The following CSMD1 variants were observed in gnomAD, a reference collection of about 807,000 sequenced individuals.
The protein encoded by CSMD1 is CUB and sushi domain-containing protein 1.
A neutral mutation model predicts 417.5 loss-of-function variants in CSMD1; 213 were observed. The ratio of observed to expected loss-of-function variants is 0.51; its 90% confidence interval spans 0.46 to 0.57. The LOEUF (loss-of-function observed/expected upper bound fraction) is 0.57, where lower values mean the gene tolerates loss of function less well. Ranked by LOEUF, CSMD1 falls within the 20% of genes least tolerant of loss-of-function variation. The pLI is 0.00. For missense variants in CSMD1, 6,923 were observed against 4,529.7 expected, an observed-to-expected ratio of 1.53 and a Z score of -15.17; for synonymous variants, 2,862 against 1,736.8, an observed-to-expected ratio of 1.65 and a Z score of -16.11.
chr8:4,873,402 G>C (rs533665162), intron 1 of CSMD1, among the ~76,000 whole-genome samples: 4 of 152,238 alleles, frequency 2.6e-5, no homozygotes, highest in South Asian at 2.1e-4. Flanking sequence ...CGGACACTCA[G>C]CAGGAAATCA....
At chr8:3,912,896 A>G (rs1197530939) in intron 5 of CSMD1, among the ~76,000 whole-genome samples, 1 of 152,166 alleles carries the variant, frequency 6.6e-6, no homozygotes, top group Non-Finnish European at 1.5e-5. Flanking sequence ...AATGAAGATC[A>G]ATTAATCAGC....
At chr8:3,935,235 A>C (rs1316643614) in intron 5 of CSMD1, among the ~76,000 whole-genome samples, 2 of 152,200 alleles carry the variant, frequency 1.3e-5, no homozygotes, top group African/African-American at 4.8e-5. Context: ...ATCGTTCTTA[A>C]AATGTAGAAG....
chr8:3,052,880 C>G (rs537697526), intron 49 of CSMD1, among the ~76,000 whole-genome samples: 11 of 150,806 alleles, frequency 7.3e-5, no homozygotes, highest in African/African-American at 2.4e-4. Flanking sequence ...CTCTTGGGTT[C>G]AAGTGATCAA....
chr8:4,082,858 T>G (rs2554643), intron 3 of CSMD1, among the ~76,000 whole-genome samples: 2 of 148,348 alleles, frequency 1.3e-5, no homozygotes, highest in Non-Finnish European at 3.0e-5. Context: ...AGTGGGAACA[T>G]GCGGTGTTTG....
intron 1 of CSMD1, among the ~76,000 whole-genome samples, chr8:4,697,533 T>C (rs1047623076): frequency 2.0e-5 from 3 of 152,190 alleles, no homozygotes; most frequent in African/African-American, 4.8e-5. Flanking sequence ...TATTGTTTAC[T>C]CAATTGGGGA....
chr8:4,081,720 A>G (rs568291245), intron 3 of CSMD1, among the ~76,000 whole-genome samples: 1 of 152,210 alleles, frequency 6.6e-6, no homozygotes, highest in Non-Finnish European at 1.5e-5. Context: ...ATTTTCTCTG[A>G]CCAAATTAGG....
chr8:4,048,572 G>T (rs780709570), intron 3 of CSMD1, among the ~76,000 whole-genome samples: 1 of 152,200 alleles, frequency 6.6e-6, no homozygotes, highest in African/African-American at 2.4e-5. Context: ...TTGACCTGAG[G>T]TGGTGTGGCT....
intron 11 of CSMD1, among the ~76,000 whole-genome samples, chr8:3,488,811 G>T (rs557439719): frequency 2.0e-5 from 3 of 152,254 alleles, no homozygotes; most frequent in African/African-American, 7.2e-5. Context: ...AGGCTCAAAG[G>T]CAGTGCCATT....
At chr8:3,343,629 T>G (rs1807802026) in intron 22 of CSMD1, among the ~76,000 whole-genome samples, 179 bp from the exon 23 acceptor site, 1 of 152,248 alleles carries the variant, frequency 6.6e-6, no homozygotes, top group Admixed American at 6.5e-5. Context: ...CTTTAAATTT[T>G]ATCTTTACCA....
intron 5 of CSMD1, among the ~76,000 whole-genome samples, chr8:3,756,068 T>C (rs1797638040): frequency 6.6e-6 from 1 of 151,942 alleles, no homozygotes; most frequent in Non-Finnish European, 1.5e-5. Flanking sequence ...CTTTAAAAAA[T>C]CATTGTGGCC....
intron 3 of CSMD1, among the ~76,000 whole-genome samples, chr8:4,144,182 G>T (rs912080843): frequency 2.0e-5 from 3 of 150,882 alleles, no homozygotes; most frequent in Non-Finnish European, 2.9e-5. Context: ...GCACGAATTG[G>T]CCTTAGACCT....
chr8:4,517,491 C>A (rs891856433), intron 2 of CSMD1, among the ~76,000 whole-genome samples: 1 of 152,184 alleles, frequency 6.6e-6, no homozygotes, highest in Admixed American at 6.5e-5. Context: ...GTTCCTGGAA[C>A]AATAACTGTG....
At chr8:3,710,168 G>C (rs1025160602) in intron 6 of CSMD1, among the ~76,000 whole-genome samples, 1 of 151,954 alleles carries the variant, frequency 6.6e-6, no homozygotes, top group Non-Finnish European at 1.5e-5. Context: ...TTGTCTGCAA[G>C]TTTTTTGTTT....
chr8:3,743,664 G>C (rs1796926512), intron 6 of CSMD1, among the ~76,000 whole-genome samples: 1 of 152,106 alleles, frequency 6.6e-6, no homozygotes, highest in Non-Finnish European at 1.5e-5. Flanking sequence ...ATTACAAGAT[G>C]AAAAGCTCCA....
At chr8:3,775,426 A>T (rs1332271464) in intron 5 of CSMD1, among the ~76,000 whole-genome samples, 1 of 152,178 alleles carries the variant, frequency 6.6e-6, no homozygotes, top group East Asian at 1.9e-4. Context: ...ATTAAAAACA[A>T]GTACTTTGGG....
intron 10 of CSMD1, among the ~76,000 whole-genome samples, chr8:3,530,795 C>T (rs918282325): frequency 6.6e-6 from 1 of 151,808 alleles, no homozygotes; most frequent in South Asian, 2.1e-4. Flanking sequence ...TCCCAAAGTG[C>T]TACTATTACA....
At chr8:4,090,120 G>A (rs530088900) in intron 3 of CSMD1, among the ~76,000 whole-genome samples, 8 of 152,240 alleles carry the variant, frequency 5.3e-5, no homozygotes, top group African/African-American at 1.7e-4. Flanking sequence ...TTTAACTCTG[G>A]AAGCTCATCA....
chr8:3,380,590 G>T (rs182828274), intron 18 of CSMD1, among the ~76,000 whole-genome samples: 9 of 152,164 alleles, frequency 5.9e-5, no homozygotes, highest in African/African-American at 2.2e-4. Flanking sequence ...TCCTTTGCAG[G>T]GACATGGATG....
chr8:3,263,318 C>T (rs533290054), intron 26 of CSMD1, among the ~76,000 whole-genome samples: 10 of 152,240 alleles, frequency 6.6e-5, no homozygotes, highest in Admixed American at 3.3e-4. Flanking sequence ...AGGCTAGTCT[C>T]GAACTCCTGG....
Sources: allele counts gnomAD v4.1 joint callset (sites outside exome capture counted in the v4.1 genomes callset), GRCh38; gene constraint gnomAD v4.1.1; transcripts MANE v1.5; gene names NCBI Gene and HGNC (gene_info 2026-07-23, HGNC 2026-07-21).